PKHD1: variants seen among roughly 807,000 people sequenced by gnomAD.
PKHD1 encodes fibrocystin.
A neutral mutation model predicts 412.0 loss-of-function variants in PKHD1; 291 were observed. The observed-to-expected ratio is 0.71, with a 90% CI of 0.64 to 0.78. The LOEUF (loss-of-function observed/expected upper bound fraction) is 0.78. Among genes scored for constraint, PKHD1 ranks in the 30% least tolerant of loss-of-function variants. PKHD1 has a pLI of 0.00. For missense variants in PKHD1, 4,825 were observed against 4,950.7 expected (o/e 0.97, Z 0.76); for synonymous variants, 1,777 against 1,821.5 (o/e 0.98, Z 0.62).
rs1562410271 is a variant in PKHD1, at chr6:51,830,938, C to A, written c.8225G>T (p.Trp2742Leu). 2 of 1,611,986 alleles carry A rather than the reference C, an allele frequency of 1.2e-6. No homozygotes were observed. The highest frequency in any genetic ancestry group is 2.7e-5 in the African/African-American group (2 of 74,810). ...SALKWSLPET[W>L]QGVEEGWGGY... ...TCCCCAGCCTTCTTCAACACCTTGC[C>A]ATGTTTCAGGGAGGGACCATTTTAA... Residue 2742 changes from tryptophan to leucine, a missense_variant, in exon 52 of 67, where the codon TGG becomes TTG. By Grantham distance (61) the Trp-to-Leu change is moderately conservative. Coordinates refer to ENST00000371117, the MANE Select transcript of PKHD1 (RefSeq NM_138694.4).
chr6:51,753,801 G>A (rs6914483), intron 56 of PKHD1, among the ~76,000 whole-genome samples: 48,508 of 152,050 alleles, frequency 0.32, 9,568 homozygotes, highest in East Asian at 0.67. Flanking sequence ...TGTGTAAAAG[G>A]AAAGCGAGAA....
intron 40 of PKHD1, among the ~76,000 whole-genome samples, chr6:51,909,004 T>C (rs1229083910): frequency 6.6e-6 from 1 of 152,172 alleles, no homozygotes; most frequent in African/African-American, 2.4e-5. Context: ...TTGGACTGCC[T>C]GTTCCAGAAT....
chr6:52,048,696 C>CT, intron 22 of PKHD1, 77 bp from the exon 23 acceptor site: 1 of 1,570,596 alleles, frequency 6.4e-7, no homozygotes, highest in East Asian at 2.3e-5. Context: ...GAAGGATGTC[C>CT]TGTCTTGCTT....
chr6:52,001,291 G>T (rs1247073556), intron 35 of PKHD1, among the ~76,000 whole-genome samples: 3 of 152,066 alleles, frequency 2.0e-5, no homozygotes, highest in Non-Finnish European at 4.4e-5. Flanking sequence ...TACATTAATA[G>T]TAGTAACAAC....
At chr6:51,910,244 C>T (rs989492567) in intron 39 of PKHD1, among the ~76,000 whole-genome samples, 1 of 152,084 alleles carries the variant, frequency 6.6e-6, no homozygotes, top group African/African-American at 2.4e-5. Flanking sequence ...GTGGTACAAA[C>T]TAATCTGGAG....
rs9382043 is a variant in PKHD1, at chr6:51,867,800, G to A, written c.7733+63C>T. 0.36 allele frequency: 521,906 copies of A among 1,468,230 alleles called. 104,540 individuals carry two copies. The highest frequency in any genetic ancestry group is 0.83 in the East Asian group (36,428 of 43,932). 91.0% of individuals were successfully genotyped at this position (1,468,230 alleles called of 1,614,324 possible). ...AAACAATTTCCCTTCTATAAGCCTC[G>A]ACAGCCAGAATAACAGATGCATGCC... On this transcript the variant is annotated intron_variant, in intron 48 of 66. Coordinates refer to ENST00000371117, the MANE Select transcript of PKHD1 (RefSeq NM_138694.4).
intron 60 of PKHD1, among the ~76,000 whole-genome samples, chr6:51,727,452 T>G (rs1440996446): frequency 6.6e-6 from 1 of 152,196 alleles, no homozygotes; most frequent in Non-Finnish European, 1.5e-5. Flanking sequence ...GAAAGTACGC[T>G]TGATAGAGAT....
chr6:51,809,859 AT>A (rs58099493), intron 52 of PKHD1, among the ~76,000 whole-genome samples: 83,855 of 147,284 alleles, frequency 0.57, 23,996 homozygotes, highest in East Asian at 0.78. Context: ...AATATCTTGT[AT>A]TTTTTTTCTA....
chr6:51,740,017 C>T (rs374674325), intron 60 of PKHD1: 1 of 518,804 alleles, frequency 1.9e-6, no homozygotes, highest in African/African-American at 1.9e-5. Flanking sequence ...ATGCTTTGTT[C>T]TTCTAAATGA....
chr6:51,761,662 A>C (rs1370601121), intron 55 of PKHD1, among the ~76,000 whole-genome samples: 1 of 152,100 alleles, frequency 6.6e-6, no homozygotes. Context: ...GCCAATCCAC[A>C]ATGCAATACA....
intron 52 of PKHD1, among the ~76,000 whole-genome samples, chr6:51,799,356 A>T (rs1385962994): frequency 6.6e-6 from 1 of 152,078 alleles, no homozygotes; most frequent in Non-Finnish European, 1.5e-5. Context: ...CCATAATGTG[A>T]CAAATTTTGA....
intron 60 of PKHD1, among the ~76,000 whole-genome samples, chr6:51,736,562 C>T (rs572104477): frequency 2.0e-5 from 3 of 152,196 alleles, no homozygotes; most frequent in Admixed American, 6.5e-5. Flanking sequence ...ATCTGGAATC[C>T]TAAAAGTCTA....
intron 63 of PKHD1, among the ~76,000 whole-genome samples, chr6:51,641,615 C>T (rs1442362135): frequency 6.6e-6 from 1 of 152,130 alleles, no homozygotes; most frequent in Non-Finnish European, 1.5e-5. Flanking sequence ...GCAGCACACT[C>T]ACAATAGCAA....
chr6:51,887,288 T>A, intron 43 of PKHD1, 43 bp from the exon 44 acceptor site: 1 of 1,221,304 alleles, frequency 8.2e-7, no homozygotes, highest in Non-Finnish European at 1.2e-6. Flanking sequence ...ACCCCATGTA[T>A]GATAAGGTTG....
chr6:52,082,629 T>A (rs747630738), intron 3 of PKHD1, 87 bp from the exon 4 acceptor site: 1 of 1,320,100 alleles, frequency 7.6e-7, no homozygotes, highest in Non-Finnish European at 1.1e-6. Flanking sequence ...CTGGGGGTAA[T>A]GTAAGACATT....
chr6:51,776,866 T>C (rs1333014760), intron 53 of PKHD1, among the ~76,000 whole-genome samples: 1 of 152,090 alleles, frequency 6.6e-6, no homozygotes, highest in East Asian at 1.9e-4. Flanking sequence ...ACAGTGGAGT[T>C]TGGTATGAAA....
At chr6:51,783,787 TA>T (rs1482733424) in intron 53 of PKHD1, among the ~76,000 whole-genome samples, 2 of 152,204 alleles carry the variant, frequency 1.3e-5, no homozygotes, top group Admixed American at 1.3e-4. Context: ...TAACAGATTG[TA>T]AAAATGAAAA....
chr6:52,008,724 C>T (rs147850008), intron 35 of PKHD1, among the ~76,000 whole-genome samples: 52 of 152,140 alleles, frequency 3.4e-4, no homozygotes, highest in African/African-American at 1.1e-3. Flanking sequence ...CTCTCAGTGG[C>T]GCACACCAAC....
chr6:52,052,776 A>ATT (rs935346015), intron 21 of PKHD1, among the ~76,000 whole-genome samples: 1 of 152,208 alleles, frequency 6.6e-6, no homozygotes, highest in African/African-American at 2.4e-5. Flanking sequence ...TAGGGTCCTT[A>ATT]TTATACCCAT....
Sources: allele counts gnomAD v4.1 joint callset (sites outside exome capture counted in the v4.1 genomes callset), GRCh38; gene constraint gnomAD v4.1.1; transcripts MANE v1.5; gene names NCBI Gene and HGNC (gene_info 2026-07-23, HGNC 2026-07-21).